TPTE: variants seen among roughly 807,000 people sequenced by gnomAD.
The protein encoded by TPTE is putative tyrosine-protein phosphatase TPTE.
Under a neutral mutation model 84.1 loss-of-function variants are expected in TPTE, and 59 were observed. The ratio of observed to expected loss-of-function variants is 0.70; its 90% CI spans 0.57 to 0.87. TPTE has a LOEUF of 0.87. Among genes scored for constraint, TPTE ranks in the 40% least tolerant of loss-of-function variants. TPTE has a pLI of 0.00. For synonymous variants in TPTE, 130 were observed against 223.5 expected (o/e 0.58, Z 3.73); for missense variants, 382 against 659.6 (o/e 0.58, Z 4.61).
chr21:10,538,648 C>A (rs1354210605), intron 3 of TPTE, 33 bp from the exon 4 acceptor site: 4 of 1,613,750 alleles, frequency 2.5e-6, no homozygotes, highest in Middle Eastern at 1.6e-4. Flanking sequence ...AATTGTGTCT[C>A]CTGTCTGACT....
intron 3 of TPTE, among the ~76,000 whole-genome samples, chr21:10,537,860 C>G (rs553885132): frequency 1.6e-4 from 24 of 152,416 alleles, no homozygotes; most frequent in African/African-American, 5.8e-4. Flanking sequence ...AGTTCCCATT[C>G]AAGGGCATTA....
intron 7 of TPTE, 107 bp from the exon 8 acceptor site, chr21:10,552,550 T>C (rs1324640791): frequency 1.3e-6 from 2 of 1,532,574 alleles, no homozygotes; most frequent in Admixed American, 1.9e-5. Context: ...ATGTTTACTA[T>C]ATCCTTTAGA....
At chr21:10,586,837 T>G (rs2075375805) in intron 17 of TPTE, among the ~76,000 whole-genome samples, 1 of 152,310 alleles carries the variant, frequency 6.6e-6, no homozygotes, top group African/African-American at 2.4e-5. Context: ...TACACTGACT[T>G]TCTACACTGG....
chr21:10,556,039 T>C (rs2074676356), intron 8 of TPTE, among the ~76,000 whole-genome samples: 2 of 152,210 alleles, frequency 1.3e-5, no homozygotes, highest in South Asian at 4.1e-4. Context: ...TTTCACCTGC[T>C]ACTTTTTTTT....
chr21:10,589,572 G>A (rs1241841527), intron 17 of TPTE, among the ~76,000 whole-genome samples: 2 of 152,308 alleles, frequency 1.3e-5, no homozygotes, highest in Admixed American at 1.3e-4. Flanking sequence ...GGAAAATGCC[G>A]GCAGCGTTTC....
At chr21:10,540,641 G>C (rs2074351682) in intron 4 of TPTE, 3 of 518,934 alleles carry the variant, frequency 5.8e-6, no homozygotes, top group Non-Finnish European at 1.2e-5. Context: ...GAGGCTGACT[G>C]CCTTTGCCCA....
chr21:10,587,520 G>GCATC (rs1473677071), intron 17 of TPTE, among the ~76,000 whole-genome samples: 1 of 151,890 alleles, frequency 6.6e-6, no homozygotes, highest in Non-Finnish European at 1.5e-5. Context: ...ACTTCCAGCT[G>GCATC]CATCCATGAT....
intron 8 of TPTE, among the ~76,000 whole-genome samples, chr21:10,554,744 C>T (rs1172134974): frequency 1.3e-5 from 2 of 152,306 alleles, no homozygotes; most frequent in Non-Finnish European, 2.9e-5. Context: ...ATATATTCAC[C>T]AAAATTTCTG....
chr21:10,524,401 C>T (rs565213960), intron 1 of TPTE, among the ~76,000 whole-genome samples, 179 bp from the exon 2 acceptor site: 136 of 152,340 alleles, frequency 8.9e-4, no homozygotes, highest in African/African-American at 3.2e-3. Flanking sequence ...TGGGGGACAA[C>T]CCGTGGGTGT....
chr21:10,562,010 A>G (rs1231755338), intron 10 of TPTE, among the ~76,000 whole-genome samples: 1 of 152,302 alleles, frequency 6.6e-6, no homozygotes. Flanking sequence ...ATGTCACTCA[A>G]CCCCAAGCTT....
intron 10 of TPTE, 26 bp downstream of exon 10, chr21:10,561,217 A>G (rs1367549031): frequency 7.5e-6 from 12 of 1,609,962 alleles, no homozygotes; most frequent in African/African-American, 1.3e-5. Flanking sequence ...TTTATAATGC[A>G]TTAAGCTACT....
intron 14 of TPTE, among the ~76,000 whole-genome samples, chr21:10,575,216 C>CAG (rs1365118165): frequency 1.3e-5 from 2 of 152,308 alleles, no homozygotes; most frequent in African/African-American, 4.8e-5. Context: ...GAAGAGTTCC[C>CAG]CACGACACAG....
chr21:10,542,391 C>G lies in TPTE; in HGVS notation c.66-4C>G, dbSNP rs768671542. 8.1e-6 allele frequency: 13 copies of G among 1,611,012 alleles called. No homozygotes were observed. Among genetic ancestry groups the G allele is most frequent in the East Asian group, 2.2e-5 (1 of 44,816 alleles). On this transcript the variant is annotated splice_region_variant and splice_polypyrimidine_tract_variant and intron_variant, in intron 5 of 23. Transcript: ENST00000618007. ...TCTGACTGTTTTCTCTTATCATCCA[C>G]TAGTCCACAGACAAGTGAATTTAAA...
chr21:10,524,033 A>G (rs919179279), intron 1 of TPTE, among the ~76,000 whole-genome samples: 6 of 152,310 alleles, frequency 3.9e-5, no homozygotes, highest in Non-Finnish European at 8.8e-5. Context: ...TCTTGGGCCA[A>G]GCTCGTTCTA....
At chr21:10,566,241 A>T (rs890735581) in intron 10 of TPTE, among the ~76,000 whole-genome samples, 4 of 152,306 alleles carry the variant, frequency 2.6e-5, no homozygotes, top group African/African-American at 9.6e-5. Context: ...GTAAACAGGC[A>T]TATCAAGAGA....
At chr21:10,549,034 G>A (rs1185094746) in intron 7 of TPTE, among the ~76,000 whole-genome samples, 1 of 152,310 alleles carries the variant, frequency 6.6e-6, no homozygotes, top group African/African-American at 2.4e-5. Flanking sequence ...AGCCCAGTGA[G>A]CCCACCCCTG....
intron 7 of TPTE, among the ~76,000 whole-genome samples, chr21:10,543,619 T>C (rs1165611668): frequency 6.6e-6 from 1 of 152,312 alleles, no homozygotes; most frequent in African/African-American, 2.4e-5. Context: ...TAACAGGGTT[T>C]CCAATTCTTC....
intron 6 of TPTE, among the ~76,000 whole-genome samples, chr21:10,542,854 G>C (rs782120801): frequency 1.3e-5 from 2 of 152,292 alleles, no homozygotes; most frequent in Non-Finnish European, 2.9e-5. Context: ...TAGGAGATTT[G>C]CTTCTTCCTG....
chr21:10,542,773 C>T (rs112394630), intron 6 of TPTE, among the ~76,000 whole-genome samples: 20 of 152,396 alleles, frequency 1.3e-4, no homozygotes, highest in African/African-American at 3.1e-4. Context: ...GTTTCCAATT[C>T]GTCTCATTGT....
Sources: allele counts gnomAD v4.1 joint callset (sites outside exome capture counted in the v4.1 genomes callset), GRCh38; gene constraint gnomAD v4.1.1; transcripts MANE v1.5; gene names NCBI Gene and HGNC (gene_info 2026-07-23, HGNC 2026-07-21).